The following TLN1 variants were observed in gnomAD, a reference collection of about 807,000 sequenced individuals.
TLN1 encodes the protein talin-1.
In TLN1, 56 loss-of-function variants were observed where a neutral mutation model predicts 292.3. That is an observed-to-expected ratio of 0.19 (90% CI 0.15 to 0.24). TLN1 has a LOEUF of 0.24. TLN1 is among the 10% of genes least tolerant of loss of function. The pLI is 1.00. For missense variants in TLN1, 2,433 were observed against 3,248.2 expected (o/e 0.75, Z 6.10); for synonymous variants, 1,119 against 1,253.7 (o/e 0.89, Z 2.27).
At position 35,723,935 on chromosome 9, in the gene TLN1, G is replaced by C. The variant is rs747529541; in HGVS notation, c.782+17C>G. The C allele has an allele frequency of 6.2e-7, 1 of 1,613,874 alleles. No individual in the cohort carries two copies. ...GAGTCCTGGGCCCTGACAGGGTATA[G>C]GATGTGGGTCACTCACTCAAGGAAG... On this transcript the variant is annotated intron_variant, in intron 7 of 56. Transcript: ENST00000314888.
At chr9:35,715,334 TGA>T in intron 20 of TLN1, 147 bp from the exon 21 acceptor site, 2 of 1,135,402 alleles carry the variant, frequency 1.8e-6, no homozygotes, top group Middle Eastern at 2.5e-4. Flanking sequence ...CAATCACCTT[TGA>T]GAGGAGCTGA....
chr9:35,709,218 C>T (rs1563941302), intron 33 of TLN1, among the ~76,000 whole-genome samples: 1 of 152,126 alleles, frequency 6.6e-6, no homozygotes, highest in Admixed American at 6.5e-5. Flanking sequence ...TCACTTGAAC[C>T]CGGGAGGCGG....
At position 35,714,317 on chromosome 9, in the gene TLN1, C is replaced by G; in HGVS notation, c.3042G>C (p.Gln1014His). The G allele has an allele frequency of 6.2e-7, 1 of 1,614,002 alleles. No homozygotes were observed. The highest frequency in any genetic ancestry group is 2.2e-5 in the East Asian group (1 of 44,890). Residue 1014 changes from glutamine (Q) to histidine (H), a missense_variant, in exon 24 of 57, where the codon CAG becomes CAC. Gln to His is a conservative substitution (Grantham distance 24). Coordinates refer to ENST00000314888, the MANE Select transcript of TLN1 (RefSeq NM_006289.4). The surrounding 1 kb of genome is among the most constrained non-coding windows in gnomAD (Gnocchi z 4.6). ...AKASVPTIQD[Q>H]ASAMQLSQCA... Reference sequence around the variant, plus strand: ...ACTGACTCAGCTGCATGGCTGAAGCCTGGTCCTGAATCGTTGGCACTGAGG... The same window carrying G: ...ACTGACTCAGCTGCATGGCTGAAGCGTGGTCCTGAATCGTTGGCACTGAGG...
At chr9:35,731,029 A>G (rs1826069233) in intron 1 of TLN1, among the ~76,000 whole-genome samples, 1 of 152,126 alleles carries the variant, frequency 6.6e-6, no homozygotes, top group Non-Finnish European at 1.5e-5. Flanking sequence ...TGTGGTGGCC[A>G]CAGCAAGGGC....
chr9:35,722,772 C>T (rs1392906252), intron 8 of TLN1, 89 bp downstream of exon 8: 16 of 1,357,810 alleles, frequency 1.2e-5, no homozygotes, highest in Middle Eastern at 1.8e-4. Context: ...TTAGGGGAGA[C>T]GGGGAGGAGG....
chr9:35,697,695 T>C lies in TLN1; in HGVS notation c.*96A>G. On this transcript the variant is annotated 3_prime_UTR_variant, in exon 57 of 57. Coordinates refer to ENST00000314888, the MANE Select transcript of TLN1 (RefSeq NM_006289.4). ...GTTTGGCAGGCACTTTGGGGAGTGC[T>C]GGGGTTGGGCAGGTTGGGCCCCGAC... 6.5e-7 allele frequency: 1 copy of C among 1,540,920 alleles called. No homozygotes were observed. The highest frequency in any genetic ancestry group is 8.8e-7 in the Non-Finnish European group (1 of 1,141,290).
Position 35,698,781 on chromosome 9 carries a change from C to T in TLN1, c.7125+27G>A. On this transcript the variant is annotated intron_variant, in intron 53 of 56. Coordinates refer to ENST00000314888, the MANE Select transcript of TLN1 (RefSeq NM_006289.4). This position sits in a 1 kb window ranked among gnomAD's most constrained non-coding sequence, Gnocchi z 5.3. ...GGACATCAAAGTGCCAACCTGTCCC[C>T]ATTCTTCTGGGTATTTAAGCACTCA... 1 of 1,613,726 alleles carries T rather than the reference C, an allele frequency of 6.2e-7. No homozygotes were observed. The highest frequency in any genetic ancestry group is 8.5e-7 in the Non-Finnish European group (1 of 1,179,676).
At chr9:35,722,367 G>C (rs1185395849) in intron 8 of TLN1, 144 bp from the exon 9 acceptor site, 2 of 724,188 alleles carry the variant, frequency 2.8e-6, no homozygotes, top group East Asian at 5.3e-5. Context: ...AGAGGGTAAC[G>C]GGATGGAGGC....
intron 3 of TLN1, 43 bp from the exon 4 acceptor site, chr9:35,725,002 G>A (rs780216828): frequency 1.2e-6 from 2 of 1,612,714 alleles, no homozygotes; most frequent in East Asian, 4.5e-5. Context: ...CTCTGAGCTA[G>A]GGGTATTATT....
intron 33 of TLN1, among the ~76,000 whole-genome samples, chr9:35,709,342 C>T (rs1825619806): frequency 1.3e-5 from 2 of 152,096 alleles, no homozygotes; most frequent in African/African-American, 4.8e-5. Context: ...CAAAATCAAA[C>T]AAGCCATCTA....
Position 35,697,934 on chromosome 9 carries a change from G to C in TLN1, c.7501-18C>G, listed in dbSNP as rs200460644. The C allele has an allele frequency of 4.5e-5, 73 of 1,613,980 alleles. No homozygotes were observed. The highest frequency in any genetic ancestry group is 5.8e-5 in the Non-Finnish European group (68 of 1,180,012). ...GCGATGATCTGAGGGTGGAGATCGG[G>C]GACTTAGTTCAGTGAGGATGCACAG... On this transcript the variant is annotated intron_variant, in intron 56 of 56. Coordinates refer to ENST00000314888, the MANE Select transcript of TLN1 (RefSeq NM_006289.4).
At position 35,705,864 on chromosome 9, in the gene TLN1, G is replaced by C; in HGVS notation, c.5512-13C>G. 1.2e-6 allele frequency: 2 copies of C among 1,614,174 alleles called. No individual in the cohort carries two copies. The highest frequency in any genetic ancestry group is 1.7e-6 in the Non-Finnish European group (2 of 1,180,012). Reference sequence around the variant, plus strand: ...GTCCTTCATCTAGCTGAGGGGGGAGGATAGGGAAAGGGAAAGACTGTTAGG... The same window carrying C: ...GTCCTTCATCTAGCTGAGGGGGGAGCATAGGGAAAGGGAAAGACTGTTAGG... On this transcript the variant is annotated splice_polypyrimidine_tract_variant and intron_variant, in intron 41 of 56. Coordinates refer to ENST00000314888, the MANE Select transcript of TLN1 (RefSeq NM_006289.4).
rs17854239 is a variant in TLN1, at chr9:35,704,794, G to A, written c.5755C>T (p.Arg1919Trp). The change falls in exon 44 of 57, where the codon CGG (arginine) becomes TGG (tryptophan). Residue 1919 changes from arginine to tryptophan, a missense_variant. Coordinates refer to ENST00000314888, the MANE Select transcript of TLN1 (RefSeq NM_006289.4). The surrounding 1 kb of genome is among the most constrained non-coding windows in gnomAD (Gnocchi z 6.9). ...NEEIGSHIKH[R>W]VQELGHGCAA... ...CAGCCATGGCCCAGCTCCTGTACCC[G>A]GTGTTTGATATGGGAACCTATCTGT... The A allele has an allele frequency of 1.2e-6, 2 of 1,613,930 alleles. No individual in the cohort carries two copies. The highest frequency in any genetic ancestry group is 1.3e-5 in the African/African-American group (1 of 75,038).
In TLN1 at chr9:35,707,787, C is replaced by A; in HGVS notation, c.4576G>T (p.Val1526Leu). The part of the protein sequence containing the change: ...TTNPTAKRQF[V>L]QSAKEVANST... ...TTGGCCACCTCCTTGGCTGACTGTA[C>A]AAACTGGCGCTTGGCAGTAGGATTG... is the stretch of plus-strand genomic sequence containing the variant. Residue 1526 changes from valine to leucine, a missense_variant, in exon 35 of 57, where the codon GTA becomes TTA. Around this residue, in one of 7 missense-constraint regions of TLN1, gnomAD observed 1,384 missense variants for 1,699.6 expected, o/e 0.81. Coordinates refer to ENST00000314888, the MANE Select transcript of TLN1 (RefSeq NM_006289.4). This position sits in a 1 kb window ranked among gnomAD's most constrained non-coding sequence, Gnocchi z 5.6. 6.2e-7 allele frequency: 1 copy of A among 1,614,122 alleles called. No homozygotes were observed. Among genetic ancestry groups the A allele is most frequent in the South Asian group, 1.1e-5 (1 of 91,074 alleles).
At position 35,700,356 on chromosome 9, in the gene TLN1, T is replaced by G. The variant is rs1587975660; in HGVS notation, c.6495A>C (p.Pro2165=). The G allele has an allele frequency of 6.2e-7, 1 of 1,602,120 alleles. No homozygotes were observed. The highest frequency in any genetic ancestry group is 8.5e-7 in the Non-Finnish European group (1 of 1,170,092). The change falls in exon 49 of 57, where the codon CCA becomes CCC. Residue 2165 remains proline, a synonymous_variant. Coordinates refer to ENST00000314888, the MANE Select transcript of TLN1 (RefSeq NM_006289.4). ...CTTCTGGGGTAGAGGTCTTGGCAGG[T>G]GGCTCTGGGGAACAGAAAACCTGTG... ...QELAVFCSPE[P]PAKTSTPEDF...
Position 35,704,972 on chromosome 9 carries a change from A to C in TLN1, c.5734-157T>G, listed in dbSNP as rs1004959901. Among the ~76,000 whole-genome samples, 2 of 152,244 alleles carry C rather than the reference A, an allele frequency of 1.3e-5. No individual in the cohort carries two copies. The highest frequency in any genetic ancestry group is 4.8e-5 in the African/African-American group (2 of 41,464). ...CCAGCACAAGGACGTTTCCGGTTGC[A>C]TATCCTTTAGGCAGAAGGTCACCTC... On this transcript the variant is annotated intron_variant, in intron 43 of 56. Coordinates refer to ENST00000314888, the MANE Select transcript of TLN1 (RefSeq NM_006289.4). This position sits in a 1 kb window ranked among gnomAD's most constrained non-coding sequence, Gnocchi z 6.9.
At chr9:35,723,754 A>G (rs555476761) in intron 7 of TLN1, 198 bp downstream of exon 7, 1 of 721,686 alleles carries the variant, frequency 1.4e-6, no homozygotes, top group South Asian at 1.9e-5. Flanking sequence ...GGGCAGAGAT[A>G]CTGAACTACA....
Position 35,721,669 on chromosome 9 carries a change from C to T in TLN1, c.1083G>A (p.Ala361=), listed in dbSNP as rs376054015. The T allele has an allele frequency of 1.8e-5, 29 of 1,613,534 alleles. No homozygotes were observed. The highest frequency in any genetic ancestry group is 1.6e-4 in the Middle Eastern group (1 of 6,080). The change falls in exon 10 of 57, where the codon GCG becomes GCA. Residue 361 remains alanine, a synonymous_variant. Coordinates refer to ENST00000314888, the MANE Select transcript of TLN1 (RefSeq NM_006289.4). ...TTACCAGGGTGAAGCTTTTGGGAGA[C>T]GCAGCCCAGCGTTTGATGTTGGTGA... ...WNLTNIKRWA[A]SPKSFTLDFG... is the part of the protein sequence containing the mutation.
In TLN1 at chr9:35,730,102, C is replaced by T. The variant is rs149045145; in HGVS notation, c.-34+1973G>A. On this transcript the variant is annotated intron_variant, in intron 1 of 56. Coordinates refer to ENST00000314888, the MANE Select transcript of TLN1 (RefSeq NM_006289.4). Reference sequence around the variant, plus strand: ...AGGGGAATGATTACATGGATGGTGGCTAAGTCAGGGAATGATGGGGTGAGG... The same window carrying T: ...AGGGGAATGATTACATGGATGGTGGTTAAGTCAGGGAATGATGGGGTGAGG... Among the ~76,000 whole-genome samples the T allele has an allele frequency of 1.2e-3, 181 of 148,502 alleles. 2 individuals are homozygous for T. Among genetic ancestry groups the T allele is most frequent in the East Asian group, 3.2e-3 (16 of 4,930 alleles).
Sources: allele counts gnomAD v4.1 joint callset (sites outside exome capture counted in the v4.1 genomes callset), GRCh38; gene constraint gnomAD v4.1.1; regional missense constraint gnomAD v4.1.1; non-coding constraint Gnocchi (gnomAD v3.1); transcripts MANE v1.5; gene names NCBI Gene and HGNC (gene_info 2026-07-23, HGNC 2026-07-21).